The following CARMIL1 variants were observed in gnomAD, a reference collection of about 807,000 sequenced individuals.
CARMIL1 encodes the protein F-actin-uncapping protein LRRC16A.
Under a neutral mutation model 177.1 loss-of-function variants are expected in CARMIL1, and 90 were observed. That is an observed-to-expected ratio of 0.51 (90% CI 0.43 to 0.61). The LOEUF is 0.61. Among genes scored for constraint, CARMIL1 ranks in the 20% least tolerant of loss-of-function variants. The pLI is 0.00. For synonymous variants in CARMIL1, 577 were observed against 606.2 expected, an observed-to-expected ratio of 0.95 and a Z score of 0.71; for missense variants, 1,380 against 1,667.0, an observed-to-expected ratio of 0.83 and a Z score of 3.00.
chr6:25,296,034 T>C (rs1782343309), intron 2 of CARMIL1, among the ~76,000 whole-genome samples: 1 of 152,236 alleles, frequency 6.6e-6, no homozygotes, highest in Non-Finnish European at 1.5e-5. Flanking sequence ...TAAGCTAATA[T>C]GCATGTAGAA....
At chr6:25,562,307 G>A (rs1811190014) in intron 29 of CARMIL1, among the ~76,000 whole-genome samples, 1 of 151,744 alleles carries the variant, frequency 6.6e-6, no homozygotes, top group Non-Finnish European at 1.5e-5. Context: ...GAGTGCAGTG[G>A]CATGATCTCG....
intron 35 of CARMIL1, among the ~76,000 whole-genome samples, chr6:25,609,166 G>T (rs1816271694): frequency 6.6e-6 from 1 of 151,978 alleles, no homozygotes; most frequent in Non-Finnish European, 1.5e-5. Flanking sequence ...CCTGGTTTTT[G>T]AATTAAGAGA....
In CARMIL1 at chr6:25,481,491, C is replaced by A. The variant is rs879924192; in HGVS notation, c.875-766C>A. Among the ~76,000 whole-genome samples, 3 of 152,288 alleles carry A rather than the reference C, an allele frequency of 2.0e-5. 1 individual carries two copies. The highest frequency in any genetic ancestry group is 6.5e-5 in the Admixed American group (1 of 15,298). On this transcript the variant is annotated intron_variant, in intron 11 of 36. Transcript: ENST00000329474. ...ACAGGAATTAACATTGTTTAAGGAG[C>A]CTTCTCAAGAACATGCCCCTGGGGA...
chr6:25,346,590 C>G (rs1787539036), intron 2 of CARMIL1, among the ~76,000 whole-genome samples: 1 of 152,198 alleles, frequency 6.6e-6, no homozygotes, highest in African/African-American at 2.4e-5. Context: ...TATTCCTTGT[C>G]TCTTTTCTCT....
chr6:25,480,458 A>G (rs1801979659), intron 11 of CARMIL1, among the ~76,000 whole-genome samples: 1 of 151,706 alleles, frequency 6.6e-6, no homozygotes, highest in African/African-American at 2.4e-5. Context: ...GTCTTATTGC[A>G]GCTACATCAG....
At chr6:25,495,552 TG>T (rs1202887697) in intron 16 of CARMIL1, among the ~76,000 whole-genome samples, 2 of 151,292 alleles carry the variant, frequency 1.3e-5, no homozygotes, top group Non-Finnish European at 3.0e-5. Flanking sequence ...TGTGTGTGTG[TG>T]TGTGTGTGTG....
At chr6:25,293,366 T>C (rs954428205) in intron 2 of CARMIL1, among the ~76,000 whole-genome samples, 6 of 151,270 alleles carry the variant, frequency 4.0e-5, no homozygotes, top group African/African-American at 9.7e-5. Context: ...ATTTTCCTCA[T>C]CTTGTTTCTT....
chr6:25,592,214 A>G (rs1814387447), intron 31 of CARMIL1, among the ~76,000 whole-genome samples: 1 of 152,180 alleles, frequency 6.6e-6, no homozygotes, highest in Non-Finnish European at 1.5e-5. Flanking sequence ...ATCTGTGACT[A>G]ACCAAAAAGT....
chr6:25,376,947 G>T, intron 2 of CARMIL1, among the ~76,000 whole-genome samples: 1 of 152,160 alleles, frequency 6.6e-6, no homozygotes, highest in East Asian at 1.9e-4. Flanking sequence ...CAGCAGGAAA[G>T]TGATCCACCT....
intron 2 of CARMIL1, among the ~76,000 whole-genome samples, chr6:25,377,844 G>A (rs1791143298): frequency 2.6e-5 from 4 of 152,166 alleles, no homozygotes; most frequent in South Asian, 2.1e-4. Context: ...CCAGAAGGTG[G>A]TGCTTGCAAA....
chr6:25,440,411 G>A (rs1797638031), intron 5 of CARMIL1, among the ~76,000 whole-genome samples: 1 of 152,200 alleles, frequency 6.6e-6, no homozygotes, highest in Non-Finnish European at 1.5e-5. Flanking sequence ...TTGGCAGAGA[G>A]TTAAATTACC....
chr6:25,352,096 GA>G (rs1355039618), intron 2 of CARMIL1, among the ~76,000 whole-genome samples: 1 of 149,464 alleles, frequency 6.7e-6, no homozygotes, highest in East Asian at 2.0e-4. Context: ...AAATGTTTAA[GA>G]AAACGTTTGG....
chr6:25,580,571 C>T (rs961673943), intron 29 of CARMIL1, among the ~76,000 whole-genome samples: 4 of 152,184 alleles, frequency 2.6e-5, no homozygotes, highest in Admixed American at 1.3e-4. Context: ...ACAATGATCA[C>T]TTAATAGTGT....
intron 29 of CARMIL1, 113 bp downstream of exon 29, chr6:25,556,963 C>CTTT: frequency 2.8e-6 from 3 of 1,070,240 alleles, no homozygotes. Flanking sequence ...AACACTGTCC[C>CTTT]CACCCTCAGA....
At chr6:25,497,399 A>T (rs923607575) in intron 16 of CARMIL1, among the ~76,000 whole-genome samples, 2 of 152,128 alleles carry the variant, frequency 1.3e-5, no homozygotes, top group African/African-American at 4.8e-5. Context: ...ACTGTTGAAG[A>T]TTGGGTTTCC....
intron 2 of CARMIL1, among the ~76,000 whole-genome samples, chr6:25,309,190 T>G (rs1783549140): frequency 6.6e-6 from 1 of 152,024 alleles, no homozygotes; most frequent in African/African-American, 2.4e-5. Flanking sequence ...ACCTAGCCTC[T>G]CTCTTAAAAC....
chr6:25,483,309 C>T (rs1156642783), intron 12 of CARMIL1, among the ~76,000 whole-genome samples: 1 of 152,130 alleles, frequency 6.6e-6, no homozygotes, highest in Non-Finnish European at 1.5e-5. Context: ...AGTGTCAGTT[C>T]TGTAGTCAGA....
At chr6:25,408,094 A>G (rs1794555381) in intron 2 of CARMIL1, among the ~76,000 whole-genome samples, 1 of 151,938 alleles carries the variant, frequency 6.6e-6, no homozygotes, top group African/African-American at 2.4e-5. Flanking sequence ...GAGGAGTTTG[A>G]GACCAGCCTG....
intron 2 of CARMIL1, among the ~76,000 whole-genome samples, chr6:25,400,387 C>A (rs553113257): frequency 2.4e-4 from 37 of 152,260 alleles, no homozygotes; most frequent in African/African-American, 8.4e-4. Context: ...CTTTTCCTTC[C>A]TGCATGATTT....
Sources: gnomAD v4.1 joint callset for allele counts (sites outside exome capture counted in the v4.1 genomes callset) on GRCh38, gnomAD v4.1.1 for gene constraint, MANE v1.5 for transcripts, NCBI Gene and HGNC (gene_info 2026-07-23, HGNC 2026-07-21) for gene names.